The following KCNK2 variants were observed in gnomAD, a reference collection of about 807,000 sequenced individuals.
KCNK2 encodes potassium two pore domain channel subfamily K member 2.
In KCNK2, 21 loss-of-function variants were observed where a neutral mutation model predicts 40.5. The ratio of observed to expected loss-of-function variants is 0.52; its 90% CI spans 0.37 to 0.75. KCNK2 has a LOEUF of 0.75. Ranked by LOEUF, KCNK2 falls within the 30% of genes least tolerant of loss-of-function variation. The pLI is 0.00. For missense variants in KCNK2, 399 were observed against 531.6 expected, an observed-to-expected ratio of 0.75 and a Z score of 2.45; for synonymous variants, 191 against 202.2, an observed-to-expected ratio of 0.94 and a Z score of 0.47.
intron 1 of KCNK2, among the ~76,000 whole-genome samples, chr1:215,035,398 C>T (rs1186974560): frequency 6.6e-6 from 1 of 152,108 alleles, no homozygotes; most frequent in Non-Finnish European, 1.5e-5. Context: ...ACAAATTACT[C>T]TATGTAGCTC....
chr1:215,026,016 T>TAC (rs1375875033), intron 1 of KCNK2, among the ~76,000 whole-genome samples: 1 of 152,076 alleles, frequency 6.6e-6, no homozygotes, highest in African/African-American at 2.4e-5. Flanking sequence ...ACCAACAGTG[T>TAC]TATCATTATT....
chr1:215,018,441 G>T (rs1476052855), intron 1 of KCNK2, among the ~76,000 whole-genome samples: 1 of 152,128 alleles, frequency 6.6e-6, no homozygotes, highest in African/African-American at 2.4e-5. Context: ...CACTATTAAT[G>T]GGACAATTTG....
intron 3 of KCNK2, among the ~76,000 whole-genome samples, chr1:215,149,847 A>T (rs1222226837): frequency 1.3e-5 from 2 of 152,230 alleles, no homozygotes; most frequent in Non-Finnish European, 2.9e-5. Flanking sequence ...CTGAAACTTT[A>T]TCAGGTATTC....
intron 3 of KCNK2, among the ~76,000 whole-genome samples, chr1:215,148,086 T>C (rs1326407797): frequency 9.1e-5 from 13 of 142,348 alleles, no homozygotes; most frequent in African/African-American, 2.1e-4. Context: ...TTTCCTTTTT[T>C]TTTTTTTTTT....
intron 6 of KCNK2, among the ~76,000 whole-genome samples, chr1:215,233,288 T>C (rs1666746726): frequency 6.6e-6 from 1 of 152,094 alleles, no homozygotes; most frequent in Non-Finnish European, 1.5e-5. Context: ...TTATTTCTTG[T>C]TAAGACAGTA....
At position 215,169,219 on chromosome 1, in the gene KCNK2, C is replaced by A. The variant is rs576428312; in HGVS notation, c.496C>A (p.Arg166Ser). 1 of 1,607,322 alleles carries A rather than the reference C, an allele frequency of 6.2e-7. No homozygotes were observed. The highest frequency in any genetic ancestry group is 1.3e-5 in the African/African-American group (1 of 74,570). Residue 166 changes from arginine to serine, a missense_variant, in exon 4 of 7, where the codon CGC (arginine) becomes AGC (serine). Physicochemically the swap from Arg to Ser is moderately radical, Grantham distance 110. This residue lies in a region of KCNK2 where 279 missense variants were observed against 353.8 expected (regional missense o/e 0.79). Coordinates refer to ENST00000444842, the MANE Select transcript of KCNK2 (RefSeq NM_001017425.3). ...TAAAGGATTTGGAAACATCTCACCA[C>A]GCACAGAAGGCGGCAAAATATTCTG... is the stretch of plus-strand genomic sequence containing the variant. ...TTIGFGNISP[R>S]TEGGKIFCII...
intron 6 of KCNK2, among the ~76,000 whole-genome samples, chr1:215,199,919 T>A (rs1665014323): frequency 6.6e-6 from 1 of 152,120 alleles, no homozygotes; most frequent in Admixed American, 6.5e-5. Context: ...GGCCTGTGAT[T>A]TCTACATATT....
intron 1 of KCNK2, among the ~76,000 whole-genome samples, chr1:215,056,705 C>T (rs1274461052): frequency 1.3e-5 from 2 of 149,336 alleles, no homozygotes; most frequent in South Asian, 2.1e-4. Flanking sequence ...ATCCTCCTGC[C>T]TCAGCCTCCT....
In KCNK2 at chr1:215,124,762, C is replaced by T. The variant is rs1661343779; in HGVS notation, c.475+12C>T. The T allele has an allele frequency of 4.0e-6, 6 of 1,504,048 alleles. No individual in the cohort carries two copies. In the Admixed American group the frequency reaches 1.0e-4, roughly 26 times the overall value. 93.2% of individuals were successfully genotyped at this position (1,504,048 alleles called of 1,614,324 possible). On this transcript the variant is annotated intron_variant, in intron 3 of 6. Transcript: ENST00000444842. ...TATTACAACCATAGGTAGGAGACAACTTATTTTTGTTTTTTGTTTTGATAC... is the reference window on the plus strand; with the variant it reads ...TATTACAACCATAGGTAGGAGACAATTTATTTTTGTTTTTTGTTTTGATAC...
intron 1 of KCNK2, among the ~76,000 whole-genome samples, chr1:215,034,563 G>T (rs1037053317): frequency 7.9e-5 from 12 of 152,162 alleles, no homozygotes; most frequent in African/African-American, 2.6e-4. Context: ...TCTGGTTGCT[G>T]CACATGCATG....
intron 3 of KCNK2, among the ~76,000 whole-genome samples, chr1:215,160,802 TA>T: frequency 6.6e-6 from 1 of 152,296 alleles, no homozygotes; most frequent in East Asian, 1.9e-4. Context: ...CTGGTTGTTT[TA>T]TCTCCCCCAT....
intron 2 of KCNK2, among the ~76,000 whole-genome samples, chr1:215,090,992 A>G (rs1277708366): frequency 1.3e-5 from 2 of 152,188 alleles, no homozygotes; most frequent in Non-Finnish European, 2.9e-5. Context: ...GAAAAAAAAC[A>G]CATGGCTTCT....
upstream of KCNK2, among the ~76,000 whole-genome samples, chr1:215,082,425 C>A (rs553744664): frequency 1.1e-4 from 17 of 152,222 alleles, no homozygotes; most frequent in African/African-American, 4.1e-4. Flanking sequence ...GTCCCACACC[C>A]GGTCCCACAC....
At chr1:215,204,458 T>G (rs1665223809) in intron 6 of KCNK2, among the ~76,000 whole-genome samples, 1 of 152,170 alleles carries the variant, frequency 6.6e-6, no homozygotes, top group Non-Finnish European at 1.5e-5. Flanking sequence ...TAATTTCATT[T>G]TCTTTAGCTA....
At chr1:215,012,865 G>T (rs1315537041) in intron 1 of KCNK2, among the ~76,000 whole-genome samples, 2 of 151,832 alleles carry the variant, frequency 1.3e-5, no homozygotes, top group Admixed American at 6.6e-5. Flanking sequence ...TGGAGAAAAA[G>T]ATTTTAGTTT....
intron 2 of KCNK2, among the ~76,000 whole-genome samples, chr1:215,095,173 C>T (rs1659924440): frequency 6.6e-6 from 1 of 151,964 alleles, no homozygotes; most frequent in South Asian, 2.1e-4. Flanking sequence ...TTCTCACATC[C>T]CTTAGGCACA....
chr1:215,150,988 T>C (rs557053781), intron 3 of KCNK2, among the ~76,000 whole-genome samples: 18 of 152,152 alleles, frequency 1.2e-4, no homozygotes, highest in African/African-American at 4.1e-4. Context: ...TTAAATACTT[T>C]GAGATAGATA....
chr1:215,111,454 C>A (rs1660680808), intron 2 of KCNK2, among the ~76,000 whole-genome samples: 1 of 151,656 alleles, frequency 6.6e-6, no homozygotes, highest in Non-Finnish European at 1.5e-5. Flanking sequence ...TATTTTTTTC[C>A]TTTTGCTCTT....
intron 1 of KCNK2, among the ~76,000 whole-genome samples, chr1:215,045,584 A>G (rs1189684494): frequency 6.6e-6 from 1 of 152,244 alleles, no homozygotes; most frequent in Non-Finnish European, 1.5e-5. Flanking sequence ...AAATAACTCA[A>G]AATATCCATA....
Sources: allele counts gnomAD v4.1 joint callset (sites outside exome capture counted in the v4.1 genomes callset), GRCh38; gene constraint gnomAD v4.1.1; regional missense constraint gnomAD v4.1.1; transcripts MANE v1.5; gene names NCBI Gene and HGNC (gene_info 2026-07-23, HGNC 2026-07-21).